TOX: variants seen among roughly 807,000 people sequenced by gnomAD.
TOX encodes the protein thymocyte selection-associated high mobility group box protein TOX.
In TOX, 11 loss-of-function variants were observed where a neutral mutation model predicts 53.7. The observed-to-expected ratio is 0.20, with a 90% CI of 0.13 to 0.34. The LOEUF (loss-of-function observed/expected upper bound fraction) is 0.34. Among genes scored for constraint, TOX ranks in the 10% least tolerant of loss-of-function variants. The pLI, the probability that TOX is intolerant of heterozygous loss-of-function variation, is 1.00. For missense variants in TOX, 570 were observed against 664.6 expected (o/e 0.86, Z 1.56); for synonymous variants, 225 against 245.3 (o/e 0.92, Z 0.77).
At chr8:58,923,861 G>A (rs548177152) in intron 3 of TOX, among the ~76,000 whole-genome samples, 1 of 152,300 alleles carries the variant, frequency 6.6e-6, no homozygotes, top group South Asian at 2.1e-4. Flanking sequence ...TCACAGCTGT[G>A]TTGGTTGGAA....
intron 1 of TOX, among the ~76,000 whole-genome samples, chr8:59,086,307 C>T (rs1804508262): frequency 6.6e-6 from 1 of 152,034 alleles, no homozygotes; most frequent in South Asian, 2.1e-4. Flanking sequence ...AATATTAAAC[C>T]TTATTTGACT....
chr8:58,839,775 T>C (rs1810613278), intron 4 of TOX, among the ~76,000 whole-genome samples: 1 of 152,254 alleles, frequency 6.6e-6, no homozygotes, highest in Admixed American at 6.5e-5. Context: ...ATATGTATCT[T>C]ATTTAGACAA....
intron 1 of TOX, among the ~76,000 whole-genome samples, chr8:59,090,819 G>A (rs1804595975): frequency 6.6e-6 from 1 of 152,082 alleles, no homozygotes; most frequent in Non-Finnish European, 1.5e-5. Flanking sequence ...CAGGGACATG[G>A]ACTTGAGGAG....
chr8:58,939,436 A>C lies in TOX; in HGVS notation c.277T>G (p.Tyr93Asp), dbSNP rs772821037. 1 of 1,614,198 alleles carries C rather than the reference A, an allele frequency of 6.2e-7. No homozygotes were observed. Among genetic ancestry groups the C allele is most frequent in the South Asian group, 1.1e-5 (1 of 91,084 alleles). Residue 93 changes from tyrosine to aspartate, a missense_variant, in exon 3 of 9, where the codon TAC becomes GAC. By Grantham distance (160) the Tyr-to-Asp change is radical. Transcript: ENST00000361421. ...LVHLNEVESG[Y>D]HSLCHPMNHN... The stretch of plus-strand genomic sequence containing the variant: ...TTCATGGGGTGACACAGAGAATGGT[A>C]ACCAGACTCAACTTCATTCAGGTGC...
At chr8:59,029,955 G>C (rs1404705238) in intron 1 of TOX, among the ~76,000 whole-genome samples, 1 of 151,930 alleles carries the variant, frequency 6.6e-6, no homozygotes, top group African/African-American at 2.4e-5. Context: ...TGCTTCACAG[G>C]GTTTCTCTCA....
chr8:58,846,483 T>A, intron 4 of TOX, among the ~76,000 whole-genome samples: 1 of 152,142 alleles, frequency 6.6e-6, no homozygotes, highest in Non-Finnish European at 1.5e-5. Context: ...TGTTTCTCAT[T>A]TCTACTTTAT....
At chr8:58,900,456 T>A (rs1398819898) in intron 3 of TOX, among the ~76,000 whole-genome samples, 1 of 152,088 alleles carries the variant, frequency 6.6e-6, no homozygotes, top group Non-Finnish European at 1.5e-5. Flanking sequence ...CCAAAAAAAA[T>A]CATAACTGAA....
At chr8:58,962,389 A>T (rs186441603) in intron 1 of TOX, among the ~76,000 whole-genome samples, 27 of 152,318 alleles carry the variant, frequency 1.8e-4, no homozygotes, top group African/African-American at 6.3e-4. Flanking sequence ...AGCATCACAA[A>T]ACCAAGAGTT....
chr8:58,840,429 T>C (rs10090233), intron 4 of TOX, among the ~76,000 whole-genome samples: 32,561 of 151,928 alleles, frequency 0.21, 5,418 homozygotes, highest in African/African-American at 0.47. Flanking sequence ...TTCGACAAAC[T>C]GGCATAACAA....
chr8:59,043,121 C>T (rs1158404365), intron 1 of TOX, among the ~76,000 whole-genome samples: 2 of 151,954 alleles, frequency 1.3e-5, no homozygotes, highest in Non-Finnish European at 2.9e-5. Context: ...CGGTAATCAC[C>T]TTTCTACTCT....
intron 2 of TOX, among the ~76,000 whole-genome samples, chr8:58,954,536 T>C (rs199871281): frequency 1.3e-5 from 2 of 152,140 alleles, no homozygotes; most frequent in East Asian, 3.9e-4. Flanking sequence ...CCTGGTGATG[T>C]CAGTGTGCCA....
intron 1 of TOX, among the ~76,000 whole-genome samples, chr8:59,066,332 T>A (rs1444353956): frequency 6.6e-6 from 1 of 152,210 alleles, no homozygotes; most frequent in Non-Finnish European, 1.5e-5. Flanking sequence ...ACACCACTGA[T>A]CTTTCATTAG....
intron 1 of TOX, among the ~76,000 whole-genome samples, chr8:59,065,374 AT>A (rs1327345183): frequency 6.6e-6 from 1 of 152,186 alleles, no homozygotes; most frequent in African/African-American, 2.4e-5. Context: ...GTTTTCAGTG[AT>A]TTAGAAGACA....
intron 3 of TOX, among the ~76,000 whole-genome samples, chr8:58,852,504 C>T (rs990407514): frequency 7.2e-5 from 11 of 152,122 alleles, no homozygotes; most frequent in African/African-American, 2.7e-4. Context: ...GGTTTTTAGC[C>T]TTAATGAGAC....
intron 3 of TOX, among the ~76,000 whole-genome samples, chr8:58,889,808 T>G (rs1811530407): frequency 6.6e-6 from 1 of 152,116 alleles, no homozygotes; most frequent in South Asian, 2.1e-4. Flanking sequence ...TTAATATTGC[T>G]AAGTTTTTAT....
At chr8:59,097,028 A>C (rs1804723459) in intron 1 of TOX, among the ~76,000 whole-genome samples, 1 of 152,180 alleles carries the variant, frequency 6.6e-6, no homozygotes, top group Non-Finnish European at 1.5e-5. Context: ...GGAGCCAACT[A>C]TAAACAATGC....
intron 3 of TOX, among the ~76,000 whole-genome samples, chr8:58,929,852 C>G (rs1812231471): frequency 6.6e-6 from 1 of 152,088 alleles, no homozygotes; most frequent in African/African-American, 2.4e-5. Flanking sequence ...CTTTGGAAGA[C>G]TAGGCACAAA....
intron 1 of TOX, among the ~76,000 whole-genome samples, chr8:59,040,923 T>C (rs533484924): frequency 1.2e-4 from 19 of 152,162 alleles, no homozygotes; most frequent in Non-Finnish European, 2.8e-4. Context: ...GACACACCCT[T>C]GCTTCAAAGC....
In TOX at chr8:58,819,309, A is replaced by G. The variant is rs538754710; in HGVS notation, c.1006-3585T>C. 2.0e-5 allele frequency among the ~76,000 whole-genome samples: 3 copies of G among 152,350 alleles called. No individual in the cohort carries two copies. The East Asian group carries it at 5.8e-4, about 29-fold the overall frequency. ...TTTGTTTCCACTTTTAAACACATTA[A>G]CCACTTTTATTTAGCAATGAGTGTC... On this transcript the variant is annotated intron_variant, in intron 6 of 8. Coordinates refer to ENST00000361421, the MANE Select transcript of TOX (RefSeq NM_014729.3).
Sources: allele counts gnomAD v4.1 joint callset (sites outside exome capture counted in the v4.1 genomes callset), GRCh38; gene constraint gnomAD v4.1.1; transcripts MANE v1.5; gene names NCBI Gene and HGNC (gene_info 2026-07-23, HGNC 2026-07-21).